The following FRMD3 variants were observed in gnomAD, a reference collection of about 807,000 sequenced individuals.
FRMD3 encodes FERM domain-containing protein 3.
FRMD3 carries 33 observed loss-of-function variants against 70.2 expected under a neutral mutation model. That is an observed-to-expected ratio of 0.47 (90% CI 0.36 to 0.63). The LOEUF (loss-of-function observed/expected upper bound fraction) is 0.63. FRMD3 is among the 20% of genes least tolerant of loss of function. The pLI, the probability that FRMD3 is intolerant of heterozygous loss-of-function variation, is 0.00. For missense variants in FRMD3, 632 were observed against 711.4 expected (o/e 0.89, Z 1.27); for synonymous variants, 279 against 255.9 (o/e 1.09, Z -0.86).
At chr9:83,388,045 C>T (rs1185941453) in intron 2 of FRMD3, among the ~76,000 whole-genome samples, 1 of 152,176 alleles carries the variant, frequency 6.6e-6, no homozygotes, top group Non-Finnish European at 1.5e-5. Flanking sequence ...CTTCGTCTCA[C>T]TCAGGTAAAT....
At chr9:83,583,440 C>A in the FRMD3 span, among the ~76,000 whole-genome samples, 1 of 152,152 alleles carries the variant, frequency 6.6e-6, no homozygotes, top group East Asian at 1.9e-4. Flanking sequence ...CAATACCGTA[C>A]TAGCCACATT....
At chr9:83,252,751 C>T (rs2118568627) in intron 13 of FRMD3, among the ~76,000 whole-genome samples, 1 of 152,152 alleles carries the variant, frequency 6.6e-6, no homozygotes, top group African/African-American at 2.4e-5. Flanking sequence ...TTTAAACCAA[C>T]AAAGATCAAA....
intron 1 of FRMD3, among the ~76,000 whole-genome samples, chr9:83,458,065 A>G (rs1009606137): frequency 7.9e-5 from 12 of 151,364 alleles, no homozygotes; most frequent in Non-Finnish European, 1.6e-4. Context: ...GCTTGGCTCA[A>G]GTGAATCCTG....
chr9:83,349,929 C>G (rs1824090131), intron 3 of FRMD3, among the ~76,000 whole-genome samples, 172 bp from the exon 4 acceptor site: 1 of 151,798 alleles, frequency 6.6e-6, no homozygotes, highest in Non-Finnish European at 1.5e-5. Flanking sequence ...AAAGCGACAG[C>G]AACAACAAAA....
chr9:83,425,289 T>C (rs1826769641), intron 1 of FRMD3, among the ~76,000 whole-genome samples: 1 of 152,078 alleles, frequency 6.6e-6, no homozygotes, highest in African/African-American at 2.4e-5. Flanking sequence ...TGTAACAAGG[T>C]CCCCTGCATG....
At chr9:83,548,787 ATG>A in the FRMD3 span, among the ~76,000 whole-genome samples, 1 of 152,132 alleles carries the variant, frequency 6.6e-6, no homozygotes, top group Non-Finnish European at 1.5e-5. Flanking sequence ...TACCACACTA[ATG>A]CAAGGTGTTA....
At chr9:83,257,633 A>G (rs1030053944) in intron 13 of FRMD3, among the ~76,000 whole-genome samples, 1 of 151,384 alleles carries the variant, frequency 6.6e-6, no homozygotes, top group Non-Finnish European at 1.5e-5. Flanking sequence ...TAAATTAATT[A>G]AAGCCAAACT....
At chr9:83,264,362 T>A (rs1306897618) in intron 13 of FRMD3, among the ~76,000 whole-genome samples, 1 of 152,224 alleles carries the variant, frequency 6.6e-6, no homozygotes, top group Non-Finnish European at 1.5e-5. Flanking sequence ...CAAACTATTA[T>A]GTATGATACA....
chr9:83,410,587 G>A (rs1826251352), intron 1 of FRMD3, among the ~76,000 whole-genome samples: 1 of 152,176 alleles, frequency 6.6e-6, no homozygotes, highest in South Asian at 2.1e-4. Flanking sequence ...TTGCTATTGT[G>A]AGAATAGTGC....
chr9:83,372,238 A>G (rs373530584), intron 3 of FRMD3, among the ~76,000 whole-genome samples: 1 of 152,072 alleles, frequency 6.6e-6, no homozygotes, highest in African/African-American at 2.4e-5. Flanking sequence ...AGAACAAAAC[A>G]TCATGTCACC....
intron 13 of FRMD3, chr9:83,267,426 C>A: frequency 1.6e-6 from 1 of 606,492 alleles, no homozygotes; most frequent in Non-Finnish European, 2.4e-6. Context: ...AACAGAGGAC[C>A]CTGTCCAAAT....
chr9:83,407,878 T>TCA (rs1826164799), intron 1 of FRMD3, among the ~76,000 whole-genome samples: 9 of 89,046 alleles, frequency 1.0e-4, no homozygotes, highest in South Asian at 3.8e-4. Flanking sequence ...TCTCTCATCT[T>TCA]TCTCTCTCTC....
chr9:83,535,742 G>A (rs375862632), intron 1 of FRMD3, among the ~76,000 whole-genome samples: 1 of 152,130 alleles, frequency 6.6e-6, no homozygotes, highest in East Asian at 1.9e-4. Flanking sequence ...CTGCTCCAGA[G>A]CCAGGCAGAC....
chr9:83,355,943 C>T lies in FRMD3; in HGVS notation c.296-6186G>A, dbSNP rs1824321744. On this transcript the variant is annotated intron_variant, in intron 3 of 13. Coordinates refer to ENST00000304195, the MANE Select transcript of FRMD3 (RefSeq NM_174938.6). ...CTCTCTCACAGCCAACTGATAGCTGCCAGACAAGGGCTGGGGAGCCAAGTG... is the reference window on the plus strand; with the variant it reads ...CTCTCTCACAGCCAACTGATAGCTGTCAGACAAGGGCTGGGGAGCCAAGTG... Among the ~76,000 whole-genome samples, 4 of 152,302 alleles carry T rather than the reference C, an allele frequency of 2.6e-5. No homozygotes were observed. In the South Asian group the frequency reaches 8.3e-4, roughly 32 times the overall value.
rs567118470 is a variant in FRMD3, at chr9:83,346,914, T to G, written c.374+2765A>C. Among the ~76,000 whole-genome samples the G allele has an allele frequency of 2.6e-5, 4 of 152,304 alleles. No homozygotes were observed. The East Asian group carries it at 7.7e-4, about 29-fold the overall frequency. On this transcript the variant is annotated intron_variant, in intron 4 of 13. Coordinates refer to ENST00000304195, the MANE Select transcript of FRMD3 (RefSeq NM_174938.6). Reference sequence around the variant, plus strand: ...AGGACAGGCCCAAGACTATTCAGAATAGCAAGGTCACACAAATGCTTTAAA... The same window carrying G: ...AGGACAGGCCCAAGACTATTCAGAAGAGCAAGGTCACACAAATGCTTTAAA...
intron 6 of FRMD3, among the ~76,000 whole-genome samples, chr9:83,314,087 T>C (rs1435946952): frequency 1.3e-5 from 2 of 152,198 alleles, no homozygotes; most frequent in Non-Finnish European, 2.9e-5. Flanking sequence ...TTCTTTCTGC[T>C]AATTTAAAAA....
intron 1 of FRMD3, among the ~76,000 whole-genome samples, chr9:83,491,463 T>C (rs753734145): frequency 7.2e-5 from 11 of 152,222 alleles, no homozygotes; most frequent in Non-Finnish European, 1.0e-4. Flanking sequence ...TGCTGTGCCC[T>C]ACCTGAGTAA....
chr9:83,556,173 C>G, the FRMD3 span, among the ~76,000 whole-genome samples: 1 of 152,074 alleles, frequency 6.6e-6, no homozygotes, highest in Non-Finnish European at 1.5e-5. Flanking sequence ...TGTTCCCTCT[C>G]CACTCTTCAC....
intron 6 of FRMD3, among the ~76,000 whole-genome samples, chr9:83,322,731 T>C (rs1835848594): frequency 6.6e-6 from 1 of 152,206 alleles, no homozygotes; most frequent in African/African-American, 2.4e-5. Context: ...GGTTTCTCTC[T>C]TACTGTTTCT....
Sources: allele counts gnomAD v4.1 joint callset (sites outside exome capture counted in the v4.1 genomes callset), GRCh38; gene constraint gnomAD v4.1.1; transcripts MANE v1.5; gene names NCBI Gene and HGNC (gene_info 2026-07-23, HGNC 2026-07-21).